The following ZNF487 variants were observed in gnomAD, a reference collection of about 807,000 sequenced individuals.
ZNF487 encodes the protein KRAB domain only 1.
A neutral mutation model predicts 3.0 loss-of-function variants in ZNF487; 4 were observed. The ratio of observed to expected loss-of-function variants is 1.35; its 90% CI spans 0.66 to 3.08. The LOEUF (loss-of-function observed/expected upper bound fraction) is 3.08, where lower values mean the gene tolerates loss of function less well. Among genes scored for constraint, ZNF487 ranks in the 30% most tolerant of loss-of-function variants. ZNF487 has a pLI of 0.01. For synonymous variants in ZNF487, 55 were observed against 34.6 expected (o/e 1.59, Z -2.06); for missense variants, 146 against 98.7 (o/e 1.48, Z -2.03).
intron 1 of ZNF487, among the ~76,000 whole-genome samples, chr10:43,457,506 G>T (rs995701401): frequency 1.4e-5 from 2 of 146,252 alleles, no homozygotes; most frequent in Non-Finnish European, 3.0e-5. Flanking sequence ...AGTGAGCCGA[G>T]ATTGCATCAC....
chr10:43,521,926 G>GGT, the ZNF487 span, among the ~76,000 whole-genome samples: 1 of 150,576 alleles, frequency 6.6e-6, no homozygotes, highest in African/African-American at 2.4e-5. Context: ...TACAAAAAGA[G>GGT]TTGTGTGAGG....
At chr10:43,478,588 TCATACACCAGTAGTCTCAG>T (rs1841191504) in intron 3 of ZNF487, among the ~76,000 whole-genome samples, 1 of 151,636 alleles carries the variant, frequency 6.6e-6, no homozygotes, top group Non-Finnish European at 1.5e-5. Flanking sequence ...CCAGGCATGG[TCATACACCAGTAGTCTCAG>T]TTTTGGGAGG....
intron 1 of ZNF487, among the ~76,000 whole-genome samples, chr10:43,442,536 C>CT (rs1589018830): frequency 6.6e-6 from 1 of 152,132 alleles, no homozygotes; most frequent in East Asian, 1.9e-4. Flanking sequence ...CTCCACCCTC[C>CT]GGGTTGAAAT....
chr10:43,474,893 T>G (rs994717814), intron 1 of ZNF487, among the ~76,000 whole-genome samples: 1 of 152,122 alleles, frequency 6.6e-6, no homozygotes, highest in Non-Finnish European at 1.5e-5. Context: ...TAGGTTTTTT[T>G]TTTAATCAAT....
At chr10:43,445,475 T>C (rs548851609) in intron 1 of ZNF487, among the ~76,000 whole-genome samples, 1 of 152,294 alleles carries the variant, frequency 6.6e-6, no homozygotes, top group East Asian at 1.9e-4. Context: ...TTCTGGGATA[T>C]AGTTAAGTTA....
chr10:43,476,052 A>G (rs1407781712), intron 2 of ZNF487, 55 bp from the exon 3 acceptor site: 1 of 708,648 alleles, frequency 1.4e-6, no homozygotes, highest in African/African-American at 1.8e-5. Flanking sequence ...GTGCAGGCAC[A>G]CCTTTGTCCT....
At chr10:43,446,372 C>A (rs1019912729) in intron 1 of ZNF487, among the ~76,000 whole-genome samples, 5 of 150,774 alleles carry the variant, frequency 3.3e-5, no homozygotes, top group African/African-American at 7.3e-5. Flanking sequence ...GTGCGGCTGC[C>A]AGGCGGAGAG....
the ZNF487 span, among the ~76,000 whole-genome samples, chr10:43,523,042 CTG>C: frequency 6.6e-6 from 1 of 152,288 alleles, no homozygotes; most frequent in African/African-American, 2.4e-5. Context: ...TGCCAGATTA[CTG>C]TGTTTTTATT....
chr10:43,504,046 C>T, the ZNF487 span, among the ~76,000 whole-genome samples: 4 of 152,038 alleles, frequency 2.6e-5, no homozygotes, highest in Admixed American at 2.0e-4. Context: ...AGCAATAGGC[C>T]GTATCATATA....
intron 1 of ZNF487, among the ~76,000 whole-genome samples, chr10:43,466,591 C>G (rs998518649): frequency 1.3e-5 from 2 of 151,266 alleles, no homozygotes; most frequent in African/African-American, 4.9e-5. Flanking sequence ...TTAGTAGAGA[C>G]GGGGTTTCAC....
At chr10:43,510,721 T>C in the ZNF487 span, among the ~76,000 whole-genome samples, 1 of 152,186 alleles carries the variant, frequency 6.6e-6, no homozygotes, top group Admixed American at 6.5e-5. Flanking sequence ...CTAATTTTTG[T>C]ATTTTTAGTA....
chr10:43,451,684 GC>G (rs1233177882), intron 1 of ZNF487, among the ~76,000 whole-genome samples: 1 of 151,410 alleles, frequency 6.6e-6, no homozygotes, highest in Non-Finnish European at 1.5e-5. Flanking sequence ...TCCTGCCTCA[GC>G]CTCCTGAGTA....
the ZNF487 span, among the ~76,000 whole-genome samples, chr10:43,498,797 C>G: frequency 6.6e-6 from 1 of 151,794 alleles, no homozygotes; most frequent in Non-Finnish European, 1.5e-5. Context: ...AAAAAATTAG[C>G]CGGGCGTAGT....
the ZNF487 span, among the ~76,000 whole-genome samples, chr10:43,501,829 A>G: frequency 2.6e-5 from 4 of 151,656 alleles, no homozygotes; most frequent in African/African-American, 9.7e-5. Flanking sequence ...TCTGCCACTC[A>G]GGCTGGAGTA....
intron 1 of ZNF487, among the ~76,000 whole-genome samples, chr10:43,455,463 G>C (rs114463474): frequency 6.6e-6 from 1 of 152,234 alleles, no homozygotes; most frequent in Non-Finnish European, 1.5e-5. Flanking sequence ...CCGTGGGTTC[G>C]CTCGCCTTTC....
At chr10:43,496,365 CT>C in the ZNF487 span, among the ~76,000 whole-genome samples, 1 of 152,180 alleles carries the variant, frequency 6.6e-6, no homozygotes, top group Non-Finnish European at 1.5e-5. Flanking sequence ...GCTCCTAAAA[CT>C]GCACCTTTTT....
At chr10:43,463,185 G>A (rs1840495800) in intron 1 of ZNF487, among the ~76,000 whole-genome samples, 1 of 151,268 alleles carries the variant, frequency 6.6e-6, no homozygotes, top group African/African-American at 2.4e-5. Context: ...GGTGAGCCGA[G>A]TTCACGCCAT....
At chr10:43,501,492 T>C in the ZNF487 span, among the ~76,000 whole-genome samples, 2 of 152,250 alleles carry the variant, frequency 1.3e-5, no homozygotes, top group East Asian at 3.9e-4. Flanking sequence ...GTAATCCTAG[T>C]ACTTTGGGAG....
At chr10:43,470,444 C>T (rs1443870436) in intron 1 of ZNF487, among the ~76,000 whole-genome samples, 2 of 152,116 alleles carry the variant, frequency 1.3e-5, no homozygotes, top group African/African-American at 4.8e-5. Context: ...AGTGCAATGG[C>T]GTGATCTCAC....
Sources: allele counts gnomAD v4.1 joint callset (sites outside exome capture counted in the v4.1 genomes callset), GRCh38; gene constraint gnomAD v4.1.1; transcripts MANE v1.5; gene names NCBI Gene and HGNC (gene_info 2026-07-23, HGNC 2026-07-21).